ASF1A: variants seen among roughly 807,000 people sequenced by gnomAD.
ASF1A encodes the protein histone chaperone ASF1A.
ASF1A carries 5 observed loss-of-function variants against 22.0 expected under a neutral mutation model. The ratio of observed to expected loss-of-function variants is 0.23; its 90% CI spans 0.12 to 0.48. ASF1A has a LOEUF of 0.48. Among genes scored for constraint, ASF1A ranks in the 20% least tolerant of loss-of-function variants. ASF1A has a pLI of 0.99. For synonymous variants in ASF1A, 97 were observed against 86.7 expected (o/e 1.12, Z -0.66); for missense variants, 137 against 240.6 (o/e 0.57, Z 2.85).
chr6:118,905,573 GGTA>G, intron 2 of ASF1A, 76 bp from the exon 3 acceptor site: 1 of 1,176,220 alleles, frequency 8.5e-7, no homozygotes, highest in Non-Finnish European at 1.2e-6. Context: ...GATGGTTCTA[GGTA>G]ACTGAAACTC....
At chr6:118,900,617 A>T in intron 1 of ASF1A, 149 bp from the exon 2 acceptor site, 1 of 627,564 alleles carries the variant, frequency 1.6e-6, no homozygotes, top group Non-Finnish European at 2.9e-6. Context: ...TAGGAACTTT[A>T]TAAGGAGCAT....
At position 118,909,167 on chromosome 6, in the gene ASF1A, A is replaced by G. The variant is rs763463424; in HGVS notation, c.*1553A>G. ...ATGAAAATAAAAGCATTACTTTCCA[A>G]CAAAGAGCTCAGTGGTTAATATAAT... On this transcript the variant is annotated 3_prime_UTR_variant, in exon 4 of 4. Coordinates refer to ENST00000229595, the MANE Select transcript of ASF1A (RefSeq NM_014034.3). 3 of 152,234 alleles carry G rather than the reference A, an allele frequency of 2.0e-5. No homozygotes were observed. The highest frequency in any genetic ancestry group is 4.4e-5 in the Non-Finnish European group (3 of 68,030). The allele number at this position is 152,234 out of a possible 1,614,324, so 9.4% of individuals were successfully genotyped here. A position where few individuals can be genotyped will look rare whatever the true frequency, so the allele number is the denominator to read the frequency against.
At chr6:118,896,685 A>G (rs1197783807) in intron 1 of ASF1A, among the ~76,000 whole-genome samples, 2 of 152,206 alleles carry the variant, frequency 1.3e-5, no homozygotes, top group African/African-American at 4.8e-5. Flanking sequence ...GAAGCTGCAA[A>G]GGAATCTTTC....
chr6:118,899,878 C>T (rs1260084697), intron 1 of ASF1A, among the ~76,000 whole-genome samples: 10 of 152,158 alleles, frequency 6.6e-5, no homozygotes, highest in African/African-American at 2.4e-4. Context: ...GTGCAAAATA[C>T]CCAAAGAAGA....
intron 1 of ASF1A, 66 bp downstream of exon 1, chr6:118,894,588 C>G (rs1427196375): frequency 2.2e-5 from 29 of 1,348,820 alleles, no homozygotes; most frequent in Non-Finnish European, 3.0e-5. Flanking sequence ...GTTTCCCGGG[C>G]CGGGCCTCGC....
chr6:118,896,087 A>G (rs1042060665), intron 1 of ASF1A, among the ~76,000 whole-genome samples: 1 of 150,904 alleles, frequency 6.6e-6, no homozygotes, highest in African/African-American at 2.4e-5. Flanking sequence ...ATGCACATAC[A>G]TATATAGGGC....
chr6:118,896,339 A>G (rs1445803139), intron 1 of ASF1A, among the ~76,000 whole-genome samples: 1 of 152,126 alleles, frequency 6.6e-6, no homozygotes, highest in Non-Finnish European at 1.5e-5. Flanking sequence ...AACTTATACC[A>G]CACTGTTTTT....
chr6:118,895,119 A>G (rs1779287213), intron 1 of ASF1A, among the ~76,000 whole-genome samples: 1 of 151,840 alleles, frequency 6.6e-6, no homozygotes, highest in African/African-American at 2.4e-5. Context: ...CGGGGAGGAG[A>G]GCGAGGCTGT....
At chr6:118,896,161 G>A (rs1779396973) in intron 1 of ASF1A, among the ~76,000 whole-genome samples, 1 of 151,352 alleles carries the variant, frequency 6.6e-6, no homozygotes, top group South Asian at 2.1e-4. Context: ...ACACTAAGGG[G>A]TATTTTTCTT....
At chr6:118,904,309 A>G (rs1440753151) in intron 2 of ASF1A, among the ~76,000 whole-genome samples, 1 of 152,212 alleles carries the variant, frequency 6.6e-6, no homozygotes, top group Non-Finnish European at 1.5e-5. Flanking sequence ...TAGCGATTTT[A>G]TGCCTTTTTG....
In ASF1A at chr6:118,899,706, C is replaced by T. The variant is rs532764622; in HGVS notation, c.110-1060C>T. Among the ~76,000 whole-genome samples, 465 of 152,284 alleles carry T rather than the reference C, an allele frequency of 3.1e-3. 16 individuals are homozygous for T. In the South Asian group the frequency reaches 0.078, roughly 25 times the overall value. Reference sequence around the variant, plus strand: ...TACAATACAATATAAATAAGCAGTACGTTACTATTTCTATTATCAATTTAG... The same window carrying T: ...TACAATACAATATAAATAAGCAGTATGTTACTATTTCTATTATCAATTTAG... On this transcript the variant is annotated intron_variant, in intron 1 of 3. Coordinates refer to ENST00000229595, the MANE Select transcript of ASF1A (RefSeq NM_014034.3).
At chr6:118,903,936 C>G (rs148713118) in intron 2 of ASF1A, among the ~76,000 whole-genome samples, 72 of 152,184 alleles carry the variant, frequency 4.7e-4, no homozygotes, top group South Asian at 8.3e-4. Context: ...ATTCATATCT[C>G]TAGAACAATG....
intron 2 of ASF1A, among the ~76,000 whole-genome samples, chr6:118,903,574 C>A (rs1779955823): frequency 6.6e-6 from 1 of 152,050 alleles, no homozygotes; most frequent in African/African-American, 2.4e-5. Context: ...CAAGAAATAT[C>A]AGCACATAAA....
Position 118,905,977 on chromosome 6 carries a change from C to G in ASF1A, c.402+149C>G, listed in dbSNP as rs1583620149. The G allele has an allele frequency of 1.4e-5, 8 of 574,324 alleles. No homozygotes were observed. In the East Asian group the frequency reaches 2.4e-4, roughly 17 times the overall value. The allele number at this position is 574,324 out of a possible 1,614,324, so 35.6% of individuals were successfully genotyped here. A position where few individuals can be genotyped will look rare whatever the true frequency, so the allele number is the denominator to read the frequency against. ...CCAACTGGGCAAACTAATTATTGTT[C>G]CATTACCATGGATGACTTCAAACCC... On this transcript the variant is annotated intron_variant, in intron 3 of 3. Transcript: ENST00000229595.
In ASF1A at chr6:118,894,316, G is replaced by T. The variant is rs1314523420; in HGVS notation, c.-98G>T. On this transcript the variant is annotated 5_prime_UTR_variant, in exon 1 of 4. Transcript: ENST00000229595. Reference sequence around the variant, plus strand: ...CGCCGCTGCACGACGTCTGGCCGGCGCTGGAGCGGGGGTCTGCGCTCTCCC... The same window carrying T: ...CGCCGCTGCACGACGTCTGGCCGGCTCTGGAGCGGGGGTCTGCGCTCTCCC... 6.6e-7 allele frequency: 1 copy of T among 1,508,734 alleles called. No individual in the cohort carries two copies. Among genetic ancestry groups the T allele is most frequent in the African/African-American group, 1.4e-5 (1 of 71,716 alleles). 93.5% of individuals were successfully genotyped at this position (1,508,734 alleles called of 1,614,324 possible).
chr6:118,904,716 C>T (rs1160273118), intron 2 of ASF1A, among the ~76,000 whole-genome samples: 1 of 152,218 alleles, frequency 6.6e-6, no homozygotes, highest in East Asian at 1.9e-4. Context: ...CACTGGTTTC[C>T]ACATTATGTG....
At chr6:118,895,594 T>C (rs575579364) in intron 1 of ASF1A, among the ~76,000 whole-genome samples, 25 of 152,282 alleles carry the variant, frequency 1.6e-4, no homozygotes, top group South Asian at 8.3e-4. Context: ...TCTTGGTATT[T>C]TTTCTACATA....
At chr6:118,895,543 G>C (rs925423425) in intron 1 of ASF1A, among the ~76,000 whole-genome samples, 4 of 151,100 alleles carry the variant, frequency 2.6e-5, no homozygotes, top group African/African-American at 9.8e-5. Context: ...ACAAACGTAG[G>C]CTAGGAAATT....
At chr6:118,905,253 C>T (rs1295676391) in intron 2 of ASF1A, among the ~76,000 whole-genome samples, 7 of 152,134 alleles carry the variant, frequency 4.6e-5, no homozygotes, top group African/African-American at 2.4e-5. Flanking sequence ...CATTTGTGGC[C>T]AACAGTCTAT....
Sources: allele counts gnomAD v4.1 joint callset (sites outside exome capture counted in the v4.1 genomes callset), GRCh38; gene constraint gnomAD v4.1.1; transcripts MANE v1.5; gene names NCBI Gene and HGNC (gene_info 2026-07-23, HGNC 2026-07-21).